Variants in MCM10 observed in about 807,000 individuals in gnomAD.
MCM10 encodes the protein minichromosome maintenance 10 replication initiation factor, also known as protein MCM10 homolog.
A neutral mutation model predicts 109.9 loss-of-function variants in MCM10; 91 were observed. The observed-to-expected ratio is 0.83, with a 90% CI of 0.70 to 0.99. The LOEUF (loss-of-function observed/expected upper bound fraction) is 0.99, where lower values mean the gene tolerates loss of function less well. Ranked by LOEUF, MCM10 falls within the 50% of genes least tolerant of loss-of-function variation. The pLI is 0.00. For missense variants in MCM10, 1,077 were observed against 1,061.2 expected (o/e 1.01, Z -0.21); for synonymous variants, 380 against 387.2 (o/e 0.98, Z 0.22).
chr10:13,172,329 C>A lies in MCM10; in HGVS notation c.350-47C>A. ...TTGCCCGCATTTTTGTCATGTAGAA[C>A]GTTTTCTCCTGCCTGGTTCTTAAAT... is the stretch of plus-strand genomic sequence containing the variant. On this transcript the variant is annotated intron_variant, in intron 3 of 19. Transcript: ENST00000378714. This position sits in a 1 kb window ranked among gnomAD's most constrained non-coding sequence, Gnocchi z 5.2. 6.9e-7 allele frequency: 1 copy of A among 1,453,738 alleles called. No individual in the cohort carries two copies. Among genetic ancestry groups the A allele is most frequent in the Non-Finnish European group, 9.6e-7 (1 of 1,040,208 alleles). The allele number at this position is 1,453,738 out of a possible 1,614,324, so 90.1% of individuals were successfully genotyped here.
chr10:13,196,922 C>CT (rs112046814), intron 14 of MCM10, among the ~76,000 whole-genome samples: 16,797 of 152,072 alleles, frequency 0.11, 1,119 homozygotes, highest in East Asian at 0.26. Context: ...ATTTCCTTCT[C>CT]TTTTTTTGTG....
At chr10:13,165,277 G>C (rs10906317) in intron 2 of MCM10, among the ~76,000 whole-genome samples, 47,416 of 152,092 alleles carry the variant, frequency 0.31, 7,666 homozygotes, top group Non-Finnish European at 0.36. Context: ...TCTCTCTAAA[G>C]TATCTATTGC....
intron 15 of MCM10, among the ~76,000 whole-genome samples, chr10:13,198,015 C>T (rs1296526700): frequency 2.6e-5 from 4 of 151,340 alleles, no homozygotes; most frequent in Admixed American, 6.6e-5. Context: ...TGGGTTCAAG[C>T]GATCCTCCTG....
chr10:13,180,797 C>T (rs1834200555), intron 7 of MCM10, among the ~76,000 whole-genome samples, 190 bp downstream of exon 7: 1 of 152,122 alleles, frequency 6.6e-6, no homozygotes, highest in Admixed American at 6.6e-5. Context: ...TTAAATAAGA[C>T]CTGGTGGTAC....
chr10:13,207,672 A>G lies in MCM10; in HGVS notation c.2499-1419A>G, dbSNP rs774114820. Among the ~76,000 whole-genome samples, 24 of 152,312 alleles carry G rather than the reference A, an allele frequency of 1.6e-4. 1 individual carries two copies. Among genetic ancestry groups the G allele is most frequent in the Non-Finnish European group, 1.2e-4 (8 of 68,028 alleles). On this transcript the variant is annotated intron_variant, in intron 18 of 19. Coordinates refer to ENST00000378714, the MANE Select transcript of MCM10 (RefSeq NM_018518.5). ...CTCATGAGATCTGATGGTTTTATAA[A>G]GGAGAGTTCCCTGCACACACTGTCT...
Position 13,169,557 on chromosome 10 carries a change from G to T in MCM10, c.8-1365G>T, listed in dbSNP as rs1354067570. Among the ~76,000 whole-genome samples, 9 of 152,130 alleles carry T rather than the reference G, an allele frequency of 5.9e-5. No individual in the cohort carries two copies. The East Asian group carries it at 1.7e-3, about 29-fold the overall frequency. On this transcript the variant is annotated intron_variant, in intron 2 of 19. Coordinates refer to ENST00000378714, the MANE Select transcript of MCM10 (RefSeq NM_018518.5). ...CCAAGAAACACATGTGCGAGAAGAC[G>T]GATACACGATTACAGCGTATTTAGT...
Position 13,165,115 on chromosome 10 carries a change from T to C in MCM10, c.7+906T>C, listed in dbSNP as rs144477170. On this transcript the variant is annotated intron_variant, in intron 2 of 19. Transcript: ENST00000378714. ...AGCAGATGCCTGAAACCCAGGATGG[T>C]ACCAAACCCTAGGCATGCTGTGTTT... Among the ~76,000 whole-genome samples, 695 of 152,294 alleles carry C rather than the reference T, an allele frequency of 4.6e-3. 13 individuals carry two copies. The highest frequency in any genetic ancestry group is 0.014 in the Middle Eastern group (4 of 294).
intron 6 of MCM10, among the ~76,000 whole-genome samples, chr10:13,177,321 G>A (rs1300627299): frequency 3.3e-5 from 5 of 152,096 alleles, no homozygotes; most frequent in Admixed American, 6.6e-5. Flanking sequence ...GAAATTCCCC[G>A]ACACAGGTCG....
At chr10:13,171,666 T>C (rs1446650363) in intron 3 of MCM10, among the ~76,000 whole-genome samples, 1 of 152,246 alleles carries the variant, frequency 6.6e-6, no homozygotes, top group Non-Finnish European at 1.5e-5. Context: ...ATCTCATACA[T>C]GTTTAAGCTA....
chr10:13,199,055 G>A (rs965067948), intron 16 of MCM10, among the ~76,000 whole-genome samples: 1 of 152,074 alleles, frequency 6.6e-6, no homozygotes, highest in African/African-American at 2.4e-5. Flanking sequence ...GCCACCACAC[G>A]AAGCAAATTT....
Position 13,180,426 on chromosome 10 carries a change from TG to T in MCM10, c.765-14del. The T allele has an allele frequency of 3.7e-6, 6 of 1,602,722 alleles. No individual in the cohort carries two copies. Among genetic ancestry groups the T allele is most frequent in the Non-Finnish European group, 5.1e-6 (6 of 1,175,466 alleles). On this transcript the variant is annotated splice_polypyrimidine_tract_variant and intron_variant, in intron 6 of 19. Coordinates refer to ENST00000378714, the MANE Select transcript of MCM10 (RefSeq NM_018518.5). ...TATTAGAATCATAATTACTAATCGC[TG>T]GTTTCTTAACCCAGGCGGCCTCGAG...
At chr10:13,187,786 G>A (rs569936574) in intron 9 of MCM10, among the ~76,000 whole-genome samples, 2 of 152,186 alleles carry the variant, frequency 1.3e-5, no homozygotes, top group South Asian at 4.2e-4. Flanking sequence ...GGTGGGAGAC[G>A]GTTGGAAAAT....
chr10:13,181,510 C>T (rs1834208913), intron 7 of MCM10, among the ~76,000 whole-genome samples: 1 of 152,096 alleles, frequency 6.6e-6, no homozygotes, highest in Non-Finnish European at 1.5e-5. Flanking sequence ...GAACAACACA[C>T]ACTGGGGCCT....
intron 18 of MCM10, among the ~76,000 whole-genome samples, chr10:13,205,743 G>A (rs1412188664): frequency 2.0e-5 from 3 of 152,182 alleles, no homozygotes; most frequent in Non-Finnish European, 4.4e-5. Context: ...TAACTCTGAT[G>A]ATGAGTGTTT....
intron 2 of MCM10, among the ~76,000 whole-genome samples, chr10:13,165,384 G>A (rs766835567): frequency 1.2e-4 from 18 of 152,146 alleles, no homozygotes; most frequent in Non-Finnish European, 2.6e-4. Flanking sequence ...TATTCCTTAT[G>A]TGAAACTCAT....
Position 13,188,887 on chromosome 10 carries a change from T to C in MCM10, c.1222T>C (p.Cys408Arg). 6.2e-7 allele frequency: 1 copy of C among 1,614,058 alleles called. No individual in the cohort carries two copies. The highest frequency in any genetic ancestry group is 8.5e-7 in the Non-Finnish European group (1 of 1,179,934). ...ACTGCTCTGCCTTTTGCAGCGTGAC[T>C]GTGAGTACTGTCAGTACCATGTCCA... The part of the protein sequence containing the change: ...PCTQTVNLRD[C>R]EYCQYHVQAQ... The change falls in exon 10 of 20, where the codon TGT becomes CGT. Residue 408 changes from cysteine (C) to arginine (R), a missense_variant. Physicochemically the swap from Cys to Arg is radical, Grantham distance 180 (BLOSUM62 -3). Coordinates refer to ENST00000378714, the MANE Select transcript of MCM10 (RefSeq NM_018518.5).
chr10:13,191,847 T>C (rs1834351620), intron 11 of MCM10, among the ~76,000 whole-genome samples: 1 of 152,180 alleles, frequency 6.6e-6, no homozygotes, highest in Non-Finnish European at 1.5e-5. Context: ...GCCAAGCTTA[T>C]TGGTTATCTT....
intron 2 of MCM10, among the ~76,000 whole-genome samples, chr10:13,168,459 G>A (rs1834030405): frequency 6.6e-6 from 1 of 152,150 alleles, no homozygotes; most frequent in South Asian, 2.1e-4. Flanking sequence ...GAACTGATCT[G>A]TTTCTCCATG....
At position 13,171,181 on chromosome 10, in the gene MCM10, A is replaced by T. The variant is rs1834067749; in HGVS notation, c.267A>T (p.Glu89Asp). The T allele has an allele frequency of 1.1e-5, 17 of 1,614,060 alleles. No homozygotes were observed. The highest frequency in any genetic ancestry group is 1.3e-5 in the African/African-American group (1 of 74,942). Residue 89 changes from glutamate to aspartate, a missense_variant, in exon 3 of 20, where the codon GAA becomes GAT. Physicochemically the swap from Glu to Asp is conservative, Grantham distance 45. Coordinates refer to ENST00000378714, the MANE Select transcript of MCM10 (RefSeq NM_018518.5). ...TGGAGGACTTAACAGATGAAGAAGA[A>T]GTTCCCGCATCACAGTCAACTGAAA... ...GDMEDLTDEEEVPASQSTENR... is the reference protein window; with the variant it reads ...GDMEDLTDEEDVPASQSTENR...
Sources: allele counts gnomAD v4.1 joint callset (sites outside exome capture counted in the v4.1 genomes callset), GRCh38; gene constraint gnomAD v4.1.1; non-coding constraint Gnocchi (gnomAD v3.1); transcripts MANE v1.5; gene names NCBI Gene and HGNC (gene_info 2026-07-23, HGNC 2026-07-21).